Variants in OLFM2 observed in about 807,000 individuals in gnomAD.
OLFM2 encodes noelin-2.
Under a neutral mutation model 43.9 loss-of-function variants are expected in OLFM2, and 20 were observed. That is an observed-to-expected ratio of 0.46 (90% confidence interval 0.32 to 0.66). OLFM2 has a LOEUF of 0.66. Ranked by LOEUF, OLFM2 falls within the 30% of genes least tolerant of loss-of-function variation. OLFM2 has a pLI of 0.04. For missense variants in OLFM2, 416 were observed against 643.6 expected (o/e 0.65, Z 3.83); for synonymous variants, 268 against 278.6 (o/e 0.96, Z 0.38).
At chr19:9,913,423 A>C in intron 1 of OLFM2, 2 of 958,144 alleles carry the variant, frequency 2.1e-6, no homozygotes, top group Non-Finnish European at 2.5e-6. Context: ...CGGCGGCGGC[A>C]GCGGCTGTGG....
chr19:9,913,649 G>C, intron 1 of OLFM2: 1 of 1,205,572 alleles, frequency 8.3e-7, no homozygotes, highest in South Asian at 2.2e-5. Context: ...GCGGCCGCCC[G>C]CCGCGCGTCC....
chr19:9,891,261 C>T (rs558823672), intron 1 of OLFM2, among the ~76,000 whole-genome samples: 9 of 144,660 alleles, frequency 6.2e-5, no homozygotes, highest in South Asian at 2.2e-4. Context: ...TGCAGTGAGC[C>T]GAGATCGTGC....
rs142801793 is a variant in OLFM2, at chr19:9,920,411, C to G, written c.63+15893G>C. Among the ~76,000 whole-genome samples, 221 of 152,196 alleles carry G rather than the reference C, an allele frequency of 1.5e-3. 1 individual carries two copies. Among genetic ancestry groups the G allele is most frequent in the African/African-American group, 5.0e-3 (208 of 41,522 alleles). ...ATTCCTTGCTTGCATCACCCTGGTC[C>G]TGGCAATGATGTACCCACGGTCAGA... On this transcript the variant is annotated intron_variant, in intron 1 of 5. Transcript: ENST00000264833.
Position 9,898,225 on chromosome 19 carries a change from T to A in OLFM2, c.64-37431A>T, listed in dbSNP as rs576473339. ...AGCGCCTGGCCCCAGCTAATTTTTT[T>A]AAAAAAATTTTTTGTGCTGGGAGTG... On this transcript the variant is annotated intron_variant, in intron 1 of 5. Coordinates refer to ENST00000264833, the MANE Select transcript of OLFM2 (RefSeq NM_058164.4). Among the ~76,000 whole-genome samples, 485 of 150,418 alleles carry A rather than the reference T, an allele frequency of 3.2e-3. 2 individuals are homozygous for A. Among genetic ancestry groups the A allele is most frequent in the Middle Eastern group, 6.9e-3 (2 of 290 alleles).
chr19:9,936,021 C>T (rs1423246222), intron 1 of OLFM2, among the ~76,000 whole-genome samples: 1 of 151,862 alleles, frequency 6.6e-6, no homozygotes, highest in Non-Finnish European at 1.5e-5. Context: ...TCAGCTCCAG[C>T]GAGATGGCGG....
At chr19:9,882,019 G>A (rs557465882) in intron 1 of OLFM2, among the ~76,000 whole-genome samples, 1 of 152,116 alleles carries the variant, frequency 6.6e-6, no homozygotes, top group African/African-American at 2.4e-5. Flanking sequence ...TGGATGGCTT[G>A]AGCCCAGGCA....
At position 9,892,509 on chromosome 19, in the gene OLFM2, G is replaced by A. The variant is rs377288777; in HGVS notation, c.64-31715C>T. Among the ~76,000 whole-genome samples the A allele has an allele frequency of 1.0e-3, 159 of 152,220 alleles. 5 individuals are homozygous for A. In the South Asian group the frequency reaches 0.032, roughly 31 times the overall value. On this transcript the variant is annotated intron_variant, in intron 1 of 5. Coordinates refer to ENST00000264833, the MANE Select transcript of OLFM2 (RefSeq NM_058164.4). ...GTGGATCACTTGAGGCCAGGAGTTC[G>A]AGACCAGCCTGGCCAACATGGCAAA...
At chr19:9,889,674 G>C (rs1269960307) in intron 1 of OLFM2, among the ~76,000 whole-genome samples, 1 of 152,194 alleles carries the variant, frequency 6.6e-6, no homozygotes, top group East Asian at 1.9e-4. Flanking sequence ...CAGTGGGCCA[G>C]ACCCAGGCAG....
chr19:9,923,008 A>G (rs1170553130), intron 1 of OLFM2, among the ~76,000 whole-genome samples: 1 of 152,252 alleles, frequency 6.6e-6, no homozygotes, highest in Non-Finnish European at 1.5e-5. Flanking sequence ...CACTTCATAC[A>G]CTACTGGTGG....
rs1231202949 is a variant in OLFM2 at position 9,856,957 on chromosome 19, G to C, written c.581-44C>G. 7 of 1,450,500 alleles carry C rather than the reference G, an allele frequency of 4.8e-6. No individual in the cohort carries two copies. Among genetic ancestry groups the C allele is most frequent in the Non-Finnish European group, 6.7e-6 (7 of 1,049,270 alleles). 89.9% of individuals were successfully genotyped at this position (1,450,500 alleles called of 1,614,324 possible). ...GGGAATGAGGATGGGGAAATGAACA[G>C]CCCAAGAGAGGCCAGGCAAAGATGA... On this transcript the variant is annotated intron_variant, in intron 4 of 5. Transcript: ENST00000264833. This position sits in a 1 kb window ranked among gnomAD's most constrained non-coding sequence, Gnocchi z 4.0.
chr19:9,916,228 A>G (rs987666761), intron 1 of OLFM2, among the ~76,000 whole-genome samples: 1 of 152,024 alleles, frequency 6.6e-6, no homozygotes, highest in African/African-American at 2.4e-5. Flanking sequence ...ATGGTGGTGC[A>G]CGCCTGTAAT....
chr19:9,934,747 C>A (rs1227474785), intron 1 of OLFM2, among the ~76,000 whole-genome samples: 1 of 152,134 alleles, frequency 6.6e-6, no homozygotes, highest in East Asian at 1.9e-4. Context: ...TCCCACCCAG[C>A]GCGTGGGTGC....
At chr19:9,899,815 A>G (rs2046715584) in intron 1 of OLFM2, among the ~76,000 whole-genome samples, 1 of 151,900 alleles carries the variant, frequency 6.6e-6, no homozygotes, top group African/African-American at 2.4e-5. Context: ...AGCCTCCCAA[A>G]GTGCTGGGAT....
chr19:9,914,430 G>A (rs971507253), intron 1 of OLFM2, among the ~76,000 whole-genome samples: 2 of 152,120 alleles, frequency 1.3e-5, no homozygotes, highest in Non-Finnish European at 2.9e-5. Flanking sequence ...GTGCCCCCAG[G>A]GTGGCGTGAT....
intron 1 of OLFM2, among the ~76,000 whole-genome samples, chr19:9,864,447 C>T (rs2046385202): frequency 6.6e-6 from 1 of 152,006 alleles, no homozygotes; most frequent in African/African-American, 2.4e-5. Flanking sequence ...ATTACAATCA[C>T]CCACCTCCAT....
At chr19:9,914,781 G>C (rs1162769911) in intron 1 of OLFM2, among the ~76,000 whole-genome samples, 2 of 151,952 alleles carry the variant, frequency 1.3e-5, no homozygotes, top group South Asian at 4.1e-4. Flanking sequence ...GAGGAGCGCC[G>C]GGCTAGTTTT....
chr19:9,864,302 T>C (rs1166548987), intron 1 of OLFM2, among the ~76,000 whole-genome samples: 1 of 152,172 alleles, frequency 6.6e-6, no homozygotes, highest in Non-Finnish European at 1.5e-5. Flanking sequence ...TCGTTTATTT[T>C]ATTATTTTTC....
intron 1 of OLFM2, among the ~76,000 whole-genome samples, chr19:9,910,200 TC>T: frequency 6.6e-6 from 1 of 152,114 alleles, no homozygotes; most frequent in East Asian, 1.9e-4. Context: ...AGACTCTTTC[TC>T]TAAAAATAAT....
Position 9,854,937 on chromosome 19 carries a change from A to G in OLFM2, c.688-74T>C. The G allele has an allele frequency of 8.4e-7, 1 of 1,185,500 alleles. No individual in the cohort carries two copies. The highest frequency in any genetic ancestry group is 2.6e-5 in the East Asian group (1 of 38,982). 73.4% of individuals were successfully genotyped at this position (1,185,500 alleles called of 1,614,324 possible). A position where few individuals can be genotyped will look rare whatever the true frequency, so the allele number is the denominator to read the frequency against. On this transcript the variant is annotated intron_variant, in intron 5 of 5. Transcript: ENST00000264833. This position sits in a 1 kb window ranked among gnomAD's most constrained non-coding sequence, Gnocchi z 9.5. ...AAGGGTCCCAGCACCAGCTACAGCCATTAGAGTTCAACAGTCACTAAGTGG... is the reference window on the plus strand; with the variant it reads ...AAGGGTCCCAGCACCAGCTACAGCCGTTAGAGTTCAACAGTCACTAAGTGG...
Sources: gnomAD v4.1 joint callset for allele counts (sites outside exome capture counted in the v4.1 genomes callset) on GRCh38, gnomAD v4.1.1 for gene constraint, Gnocchi (gnomAD v3.1) non-coding constraint, MANE v1.5 for transcripts, NCBI Gene and HGNC (gene_info 2026-07-23, HGNC 2026-07-21) for gene names.